The following KMT2A variants were observed in gnomAD, a reference collection of about 807,000 sequenced individuals.
KMT2A encodes lysine methyltransferase 2A.
KMT2A carries 16 observed loss-of-function variants against 345.3 expected under a neutral mutation model. The ratio of observed to expected loss-of-function variants is 0.05; its 90% CI spans 0.03 to 0.07. KMT2A has a LOEUF of 0.07. Ranked by LOEUF, KMT2A falls within the 10% of genes least tolerant of loss-of-function variation. The probability of loss-of-function intolerance (pLI) is 1.00; values close to 1 mark genes in which losing one functional copy is unlikely to be tolerated. For synonymous variants in KMT2A, 1,599 were observed against 1,778.6 expected (o/e 0.90, Z 2.54); for missense variants, 3,272 against 4,841.6 (o/e 0.68, Z 9.62).
rs571901678 is a variant in KMT2A at position 118,496,111 on chromosome 11, G to A, written c.5558-150G>A. On this transcript the variant is annotated intron_variant, in intron 19 of 35. Coordinates refer to ENST00000534358, the MANE Select transcript of KMT2A (RefSeq NM_001197104.2). The surrounding 1 kb of genome is among the most constrained non-coding windows in gnomAD (Gnocchi z 4.7). ...GTATTGTAACATAGATGATGAGGTA[G>A]CGTAACTCTGAACACTTTTTGAAAA... The A allele has an allele frequency of 4.3e-6, 3 of 705,404 alleles. No individual in the cohort carries two copies. Among genetic ancestry groups the A allele is most frequent in the South Asian group, 3.7e-5 (2 of 54,718 alleles). 43.7% of individuals were successfully genotyped at this position (705,404 alleles called of 1,614,324 possible).
In KMT2A at chr11:118,436,671, GC is replaced by G; in HGVS notation, c.165del (p.Ser56ProfsTer94). 1 of 1,223,168 alleles carries G rather than the reference GC, an allele frequency of 8.2e-7. No homozygotes were observed. The highest frequency in any genetic ancestry group is 1.0e-6 in the Non-Finnish European group (1 of 979,598). 75.8% of individuals were successfully genotyped at this position (1,223,168 alleles called of 1,614,324 possible). The stretch of plus-strand genomic sequence containing the variant: ...CGGTCGGCGGTGGCGGCCCCGGGGC[GC>G]CCCCCTCCCCCCCGGCTGTGGCGGC... ...PPVGGGGPGA[P>X]PSPPAVAAAA... On this transcript the variant is annotated frameshift_variant, in exon 1 of 36. Coordinates refer to ENST00000534358, the MANE Select transcript of KMT2A (RefSeq NM_001197104.2). LOFTEE classifies it high-confidence loss of function. The surrounding 1 kb of genome is among the most constrained non-coding windows in gnomAD (Gnocchi z 6.9).
intron 22 of KMT2A, among the ~76,000 whole-genome samples, 177 bp from the exon 23 acceptor site, chr11:118,499,126 C>T (rs1262356017): frequency 6.6e-6 from 1 of 152,186 alleles, no homozygotes; most frequent in Non-Finnish European, 1.5e-5. Context: ...TTTTGCTTTT[C>T]TACTTGGTGT....
At chr11:118,443,814 C>T (rs1178634696) in intron 1 of KMT2A, among the ~76,000 whole-genome samples, 1 of 152,204 alleles carries the variant, frequency 6.6e-6, no homozygotes, top group Non-Finnish European at 1.5e-5. Context: ...CAGTGGGCAG[C>T]ATCGGTCCAG....
rs1670259339 is a variant in KMT2A, at chr11:118,510,099, C to A, written c.11052C>A (p.Ile3684=). The change falls in exon 30 of 36, where the codon ATC becomes ATA. Residue 3684 remains isoleucine (I), a synonymous_variant. Coordinates refer to ENST00000534358, the MANE Select transcript of KMT2A (RefSeq NM_001197104.2). This position sits in a 1 kb window ranked among gnomAD's most constrained non-coding sequence, Gnocchi z 4.1. ...TTTCCAGTGATGATGGCTTTCAGATCTGTGCAGAAAGTATTGAAGGTGAGT... is the reference window on the plus strand; with the variant it reads ...TTTCCAGTGATGATGGCTTTCAGATATGTGCAGAAAGTATTGAAGGTGAGT... ...FEISSDDGFQ[I]CAESIEDAWK... 1.9e-6 allele frequency: 3 copies of A among 1,613,082 alleles called. No individual in the cohort carries two copies. The highest frequency in any genetic ancestry group is 2.5e-6 in the Non-Finnish European group (3 of 1,179,408).
At chr11:118,446,987 A>C (rs1191895245) in intron 1 of KMT2A, among the ~76,000 whole-genome samples, 1 of 152,128 alleles carries the variant, frequency 6.6e-6, no homozygotes. Flanking sequence ...CTGCCTTTGT[A>C]CCTTTGCTAA....
At chr11:118,487,041 A>G (rs184127699) in intron 10 of KMT2A, among the ~76,000 whole-genome samples, 10 of 152,320 alleles carry the variant, frequency 6.6e-5, no homozygotes, top group African/African-American at 2.2e-4. Flanking sequence ...ATTATTGCCT[A>G]CTATTCATTT....
chr11:118,520,063 C>T lies in KMT2A; in HGVS notation c.11428C>T (p.Arg3810Trp), dbSNP rs1555053010. ...GGAGGAGGTACAGCTGAAGTCAGCT[C>T]GGTAAGTCTTGAGTGGGGAGCAGTC... ...EEEEVQLKSA[R>W]RATSMDLPMP... Residue 3810 changes from arginine (R) to tryptophan (W), a missense_variant and splice_region_variant, in exon 33 of 36, where the codon CGG becomes TGG. By Grantham distance (101) the Arg-to-Trp change is moderately radical. Transcript: ENST00000534358. The surrounding 1 kb of genome is among the most constrained non-coding windows in gnomAD (Gnocchi z 4.3). The T allele has an allele frequency of 2.5e-6, 4 of 1,607,570 alleles. No individual in the cohort carries two copies. The highest frequency in any genetic ancestry group is 3.4e-6 in the Non-Finnish European group (4 of 1,174,202).
At chr11:118,462,960 T>C (rs1181348908) in intron 1 of KMT2A, among the ~76,000 whole-genome samples, 2 of 152,326 alleles carry the variant, frequency 1.3e-5, no homozygotes, top group African/African-American at 4.8e-5. Context: ...AAACTTTAAA[T>C]ATTGGCAGTT....
intron 5 of KMT2A, among the ~76,000 whole-genome samples, chr11:118,478,617 G>C (rs1200512678): frequency 6.6e-6 from 1 of 152,148 alleles, no homozygotes; most frequent in African/African-American, 2.4e-5. Flanking sequence ...CTTAAAACCT[G>C]ACAACTTTAT....
intron 1 of KMT2A, among the ~76,000 whole-genome samples, chr11:118,437,678 C>CA (rs1237910585): frequency 6.6e-6 from 1 of 151,222 alleles, no homozygotes; most frequent in African/African-American, 2.4e-5. Context: ...AGTCTCTTCC[C>CA]CCCCCCGCCC....
At chr11:118,447,079 C>T (rs1949437135) in intron 1 of KMT2A, among the ~76,000 whole-genome samples, 1 of 152,162 alleles carries the variant, frequency 6.6e-6, no homozygotes, top group Non-Finnish European at 1.5e-5. Context: ...AACTCAGATC[C>T]CCAGATCCTA....
intron 27 of KMT2A, 116 bp from the exon 28 acceptor site, chr11:118,507,413 G>C (rs915525055): frequency 3.6e-6 from 3 of 841,042 alleles, no homozygotes; most frequent in Admixed American, 2.2e-5. Context: ...GGTCAGTTTT[G>C]CTGGCTTATA....
chr11:118,452,442 G>A (rs1373092217), intron 1 of KMT2A, among the ~76,000 whole-genome samples: 3 of 152,098 alleles, frequency 2.0e-5, no homozygotes, highest in Non-Finnish European at 4.4e-5. Flanking sequence ...TGAGATGGGA[G>A]CATCACTTAA....
At chr11:118,462,216 A>G (rs1298815830) in intron 1 of KMT2A, among the ~76,000 whole-genome samples, 1 of 151,994 alleles carries the variant, frequency 6.6e-6, no homozygotes, top group South Asian at 2.1e-4. Flanking sequence ...TACCTTCCAA[A>G]GTGCTGGGAT....
At chr11:118,466,314 A>G (rs368102328) in intron 1 of KMT2A, among the ~76,000 whole-genome samples, 2 of 152,248 alleles carry the variant, frequency 1.3e-5, no homozygotes, top group East Asian at 1.9e-4. Context: ...TGAGTGACAG[A>G]GTGAGCACTG....
At chr11:118,478,703 C>A (rs569870052) in intron 5 of KMT2A, among the ~76,000 whole-genome samples, 1 of 152,200 alleles carries the variant, frequency 6.6e-6, no homozygotes, top group East Asian at 1.9e-4. Flanking sequence ...ATTGGAGATA[C>A]CTTGCATAAA....
Position 118,494,414 on chromosome 11 carries a change from A to ATAGGTAAGC in KMT2A, c.5289+16_5289+17insTAGGTAAGC. 7.5e-7 allele frequency: 1 copy of ATAGGTAAGC among 1,325,696 alleles called. No individual in the cohort carries two copies. The highest frequency in any genetic ancestry group is 1.1e-6 in the Non-Finnish European group (1 of 918,850). 82.1% of individuals were successfully genotyped at this position (1,325,696 alleles called of 1,614,324 possible). A position where few individuals can be genotyped will look rare whatever the true frequency, so the allele number is the denominator to read the frequency against. On this transcript the variant is annotated intron_variant, in intron 17 of 35. Transcript: ENST00000534358. This position sits in a 1 kb window ranked among gnomAD's most constrained non-coding sequence, Gnocchi z 5.8. ...CTTCATTCGGGTGAATGATATTACTAATTCATGTTTTTAATGCTTACCTAT... is the reference window on the plus strand; with the variant it reads ...CTTCATTCGGGTGAATGATATTACTATAGGTAAGCATTCATGTTTTTAATGCTTACCTAT...
At position 118,504,073 on chromosome 11, in the gene KMT2A, A is replaced by C. The variant is rs782576223; in HGVS notation, c.8181A>C (p.Thr2727=). The C allele has an allele frequency of 3.1e-6, 5 of 1,614,108 alleles. No homozygotes were observed. In the African/African-American group the frequency reaches 5.3e-5, roughly 17 times the overall value. The change falls in exon 27 of 36, where the codon ACA becomes ACC. Residue 2727 remains threonine, a synonymous_variant. Transcript: ENST00000534358. This position sits in a 1 kb window ranked among gnomAD's most constrained non-coding sequence, Gnocchi z 6.4. The part of the protein sequence containing the change: ...ISQLDGVDDG[T]ESDTSVTATT... ...AGTTGGATGGTGTTGATGATGGGAC[A>C]GAGAGTGATACTAGTGTCACAGCCA... is the stretch of plus-strand genomic sequence containing the variant.
At chr11:118,459,921 C>T (rs1264051010) in intron 1 of KMT2A, among the ~76,000 whole-genome samples, 2 of 152,150 alleles carry the variant, frequency 1.3e-5, no homozygotes, top group East Asian at 3.9e-4. Context: ...TCTCAAACTC[C>T]TGACCTCAAG....
Sources: gnomAD v4.1 joint callset for allele counts (sites outside exome capture counted in the v4.1 genomes callset) on GRCh38, gnomAD v4.1.1 for gene constraint, Gnocchi (gnomAD v3.1) non-coding constraint, MANE v1.5 for transcripts, NCBI Gene and HGNC (gene_info 2026-07-23, HGNC 2026-07-21) for gene names.